The following ANKRD44 variants were observed in gnomAD, a reference collection of about 807,000 sequenced individuals.
ANKRD44 encodes the protein serine/threonine-protein phosphatase 6 regulatory ankyrin repeat subunit B.
A neutral mutation model predicts 116.0 loss-of-function variants in ANKRD44; 35 were observed. The ratio of observed to expected loss-of-function variants is 0.30; its 90% CI spans 0.23 to 0.40. The LOEUF (loss-of-function observed/expected upper bound fraction) is 0.40. ANKRD44 is among the 10% of genes least tolerant of loss of function. ANKRD44 has a pLI of 1.00. For synonymous variants in ANKRD44, 435 were observed against 461.8 expected (o/e 0.94, Z 0.74); for missense variants, 1,014 against 1,242.6 (o/e 0.82, Z 2.77).
intron 14 of ANKRD44, among the ~76,000 whole-genome samples, chr2:197,082,085 C>G (rs772819051): frequency 1.1e-4 from 17 of 152,192 alleles, no homozygotes; most frequent in Non-Finnish European, 1.9e-4. Flanking sequence ...CTTGCCAGCT[C>G]AGCATCTCAT....
At chr2:197,064,259 T>G (rs2077382619) in intron 16 of ANKRD44, among the ~76,000 whole-genome samples, 1 of 152,098 alleles carries the variant, frequency 6.6e-6, no homozygotes, top group Non-Finnish European at 1.5e-5. Flanking sequence ...GCTGAGAGAT[T>G]TTGTCACCAC....
At chr2:197,222,033 T>C (rs1156820823) in intron 1 of ANKRD44, among the ~76,000 whole-genome samples, 1 of 152,210 alleles carries the variant, frequency 6.6e-6, no homozygotes, top group African/African-American at 2.4e-5. Context: ...TTAAAATGCT[T>C]CAATGACTCA....
rs534899574 is a variant in ANKRD44 at position 197,227,761 on chromosome 2, A to G, written c.28-40655T>C. On this transcript the variant is annotated intron_variant, in intron 1 of 27. Coordinates refer to ENST00000282272, the MANE Select transcript of ANKRD44 (RefSeq NM_001195144.2). ...CCACTCATGGCTGTGTGTGTTGGGA[A>G]AAGTCCATGTCTCTGGGCTTCATTT... Among the ~76,000 whole-genome samples the G allele has an allele frequency of 7.1e-4, 108 of 152,324 alleles. 3 individuals carry two copies. The South Asian group carries it at 0.022, about 30-fold the overall frequency.
At chr2:197,153,198 G>A (rs572237204) in intron 2 of ANKRD44, among the ~76,000 whole-genome samples, 1 of 120,314 alleles carries the variant, frequency 8.3e-6, no homozygotes, top group East Asian at 2.7e-4. Context: ...GCACCATCTT[G>A]CTCTGGGTGA....
intron 2 of ANKRD44, among the ~76,000 whole-genome samples, chr2:197,147,647 A>G (rs2079538800): frequency 6.6e-6 from 1 of 152,042 alleles, no homozygotes; most frequent in South Asian, 2.1e-4. Context: ...GCCAGAAACC[A>G]TATTCTGGGG....
intron 21 of ANKRD44, among the ~76,000 whole-genome samples, chr2:196,972,578 A>C (rs2075723307): frequency 6.6e-6 from 1 of 152,206 alleles, no homozygotes; most frequent in Non-Finnish European, 1.5e-5. Flanking sequence ...GTGATAGAAC[A>C]TATTTGATTT....
At chr2:197,057,726 C>T (rs1041375505) in intron 16 of ANKRD44, among the ~76,000 whole-genome samples, 2 of 152,190 alleles carry the variant, frequency 1.3e-5, no homozygotes, top group African/African-American at 4.8e-5. Flanking sequence ...GGCATGGCGG[C>T]ACATGCCTGT....
chr2:197,166,860 T>C (rs2125522833), intron 2 of ANKRD44, among the ~76,000 whole-genome samples: 1 of 152,368 alleles, frequency 6.6e-6, no homozygotes, highest in East Asian at 1.9e-4. Flanking sequence ...TATATTGACT[T>C]CTTGCAAATA....
intron 21 of ANKRD44, among the ~76,000 whole-genome samples, chr2:196,970,663 A>G (rs2125858171): frequency 6.6e-6 from 1 of 152,288 alleles, no homozygotes; most frequent in Admixed American, 6.5e-5. Flanking sequence ...ACCAGCATAA[A>G]TTCAGAACAA....
chr2:197,220,840 A>C (rs2081569047), intron 1 of ANKRD44, among the ~76,000 whole-genome samples: 1 of 152,172 alleles, frequency 6.6e-6, no homozygotes, highest in African/African-American at 2.4e-5. Flanking sequence ...TAGAACTGAT[A>C]ATTTGCTATC....
chr2:197,024,224 G>A (rs2076548399), intron 17 of ANKRD44, among the ~76,000 whole-genome samples: 1 of 152,236 alleles, frequency 6.6e-6, no homozygotes, highest in African/African-American at 2.4e-5. Flanking sequence ...GAGTGCTTAT[G>A]TACACATAGT....
chr2:197,176,179 G>C (rs1035659058), intron 2 of ANKRD44, among the ~76,000 whole-genome samples: 1 of 152,190 alleles, frequency 6.6e-6, no homozygotes, highest in African/African-American at 2.4e-5. Context: ...GGAGTGTCAT[G>C]CTAGTCCTGG....
chr2:197,187,665 TC>T (rs2080715375), intron 1 of ANKRD44, among the ~76,000 whole-genome samples: 1 of 151,986 alleles, frequency 6.6e-6, no homozygotes, highest in African/African-American at 2.4e-5. Flanking sequence ...TCTCTCTCTC[TC>T]TCTCTCTCTC....
intron 5 of ANKRD44, 65 bp from the exon 6 acceptor site, chr2:197,125,533 G>A: frequency 7.0e-7 from 1 of 1,418,528 alleles, no homozygotes; most frequent in South Asian, 1.1e-5. Context: ...CTCACTGCCT[G>A]CAGATGATCT....
intron 16 of ANKRD44, chr2:197,078,445 G>A: frequency 2.1e-6 from 2 of 934,228 alleles, no homozygotes; most frequent in Non-Finnish European, 2.9e-6. Context: ...AAATGGTACT[G>A]CCTTATATCG....
intron 9 of ANKRD44, among the ~76,000 whole-genome samples, chr2:197,102,976 T>C (rs554604422): frequency 6.6e-6 from 1 of 152,228 alleles, no homozygotes; most frequent in African/African-American, 2.4e-5. Context: ...ATGCCTGTAA[T>C]CCCAGCACTC....
chr2:196,971,800 C>T (rs568407072), intron 21 of ANKRD44, among the ~76,000 whole-genome samples: 4 of 152,276 alleles, frequency 2.6e-5, no homozygotes, highest in African/African-American at 7.2e-5. Flanking sequence ...TTCAGGCTCT[C>T]CCCATGGGGC....
chr2:197,052,916 T>C (rs966606474), intron 16 of ANKRD44, among the ~76,000 whole-genome samples: 3 of 152,204 alleles, frequency 2.0e-5, no homozygotes, highest in Admixed American at 1.3e-4. Flanking sequence ...ATGCCTCTAA[T>C]CCCAGCACTT....
At chr2:197,293,469 A>G (rs1312316651) in intron 1 of ANKRD44, among the ~76,000 whole-genome samples, 8 of 152,278 alleles carry the variant, frequency 5.3e-5, no homozygotes, top group Admixed American at 5.2e-4. Context: ...GTAAGCAGGA[A>G]AATGAAAGAG....
Sources: gnomAD v4.1 joint callset for allele counts (sites outside exome capture counted in the v4.1 genomes callset) on GRCh38, gnomAD v4.1.1 for gene constraint, MANE v1.5 for transcripts, NCBI Gene and HGNC (gene_info 2026-07-23, HGNC 2026-07-21) for gene names.